Variants in UST observed in about 807,000 individuals in gnomAD.
UST encodes the protein uronyl 2-sulfotransferase.
In UST, 21 loss-of-function variants were observed where a neutral mutation model predicts 45.6. That is an observed-to-expected ratio of 0.46 (90% CI 0.33 to 0.66). The LOEUF is 0.66. Ranked by LOEUF, UST falls within the 30% of genes least tolerant of loss-of-function variation. The pLI is 0.02. For missense variants in UST, 463 were observed against 512.4 expected (o/e 0.90, Z 0.93); for synonymous variants, 215 against 200.6 (o/e 1.07, Z -0.61).
chr6:148,867,339 C>T lies in UST; in HGVS notation c.248-19647C>T, dbSNP rs1035677788. On this transcript the variant is annotated intron_variant, in intron 1 of 7. Coordinates refer to ENST00000367463, the MANE Select transcript of UST (RefSeq NM_005715.3). The stretch of plus-strand genomic sequence containing the variant: ...ACACACACACACACATATATATGTA[C>T]GTATGTATGTATTTTTGAAAGCCAT... 9.9e-4 allele frequency among the ~76,000 whole-genome samples: 146 copies of T among 147,980 alleles called. 1 individual carries two copies. Among genetic ancestry groups the T allele is most frequent in the African/African-American group, 3.5e-3 (141 of 40,034 alleles).
intron 1 of UST, among the ~76,000 whole-genome samples, chr6:148,771,789 A>C (rs1244652126): frequency 2.6e-5 from 4 of 152,196 alleles, no homozygotes; most frequent in Admixed American, 2.0e-4. Context: ...GAAATGAGAG[A>C]GTTTTTGCAG....
intron 1 of UST, among the ~76,000 whole-genome samples, chr6:148,864,140 G>A (rs918137787): frequency 5.3e-5 from 8 of 152,190 alleles, no homozygotes; most frequent in East Asian, 3.9e-4. Flanking sequence ...CTTGAGCTGC[G>A]GTGGGCTCCA....
At chr6:149,070,135 A>G (rs984292878) in intron 7 of UST, among the ~76,000 whole-genome samples, 2 of 152,328 alleles carry the variant, frequency 1.3e-5, no homozygotes, top group East Asian at 3.9e-4. Context: ...GTATCAGATA[A>G]CAAAACCCTA....
At chr6:149,005,759 G>A (rs1775674522) in intron 5 of UST, among the ~76,000 whole-genome samples, 1 of 152,156 alleles carries the variant, frequency 6.6e-6, no homozygotes, top group African/African-American at 2.4e-5. Context: ...ATTTCCACCA[G>A]ACACCTAGCT....
chr6:148,804,600 CA>C (rs1199553865), intron 1 of UST, among the ~76,000 whole-genome samples: 8 of 152,246 alleles, frequency 5.3e-5, no homozygotes, highest in East Asian at 3.9e-4. Context: ...AAGTGTGTTT[CA>C]GGGGGGAGAA....
intron 5 of UST, among the ~76,000 whole-genome samples, chr6:148,980,380 C>T (rs529461708): frequency 6.6e-6 from 1 of 152,288 alleles, no homozygotes; most frequent in South Asian, 2.1e-4. Flanking sequence ...CTCTCCCATA[C>T]CTCCTAACTG....
chr6:148,779,167 T>G (rs1776590508), intron 1 of UST, among the ~76,000 whole-genome samples: 1 of 152,040 alleles, frequency 6.6e-6, no homozygotes, highest in Non-Finnish European at 1.5e-5. Context: ...GGAAAATTCC[T>G]TATTATTTCA....
intron 1 of UST, among the ~76,000 whole-genome samples, chr6:148,871,531 A>C (rs1162664244): frequency 6.6e-6 from 1 of 152,148 alleles, no homozygotes; most frequent in Admixed American, 6.5e-5. Context: ...CTGGTCTCCT[A>C]TGAGTTTGAG....
intron 7 of UST, among the ~76,000 whole-genome samples, chr6:149,065,242 A>G (rs1489574032): frequency 1.3e-5 from 2 of 152,232 alleles, no homozygotes; most frequent in Admixed American, 1.3e-4. Context: ...TTGAAAAAAA[A>G]TCCTAACAAC....
At chr6:148,903,434 A>T (rs1236540968) in intron 2 of UST, among the ~76,000 whole-genome samples, 1 of 152,224 alleles carries the variant, frequency 6.6e-6, no homozygotes, top group Non-Finnish European at 1.5e-5. Context: ...TTAGTTTAAG[A>T]TACATATTCT....
intron 1 of UST, among the ~76,000 whole-genome samples, chr6:148,794,822 G>T (rs942494674): frequency 6.6e-6 from 1 of 152,212 alleles, no homozygotes; most frequent in Non-Finnish European, 1.5e-5. Flanking sequence ...AAGGGTGGAA[G>T]TTGGGGAACT....
chr6:148,756,000 T>G, intron 1 of UST, among the ~76,000 whole-genome samples: 1 of 106,600 alleles, frequency 9.4e-6, no homozygotes, highest in South Asian at 3.9e-4. Flanking sequence ...ATGCTATCCC[T>G]CCCCCCTCCC....
chr6:148,975,787 A>T (rs1781004394), intron 5 of UST, among the ~76,000 whole-genome samples: 1 of 152,200 alleles, frequency 6.6e-6, no homozygotes, highest in Non-Finnish European at 1.5e-5. Flanking sequence ...GATGGATTAA[A>T]AAGGTAAAAT....
At chr6:148,814,976 T>C (rs1000486433) in intron 1 of UST, among the ~76,000 whole-genome samples, 1 of 152,194 alleles carries the variant, frequency 6.6e-6, no homozygotes, top group Non-Finnish European at 1.5e-5. Context: ...ATGTGAATGA[T>C]AGGATATACG....
At chr6:149,000,738 AAG>A (rs1781532379) in intron 5 of UST, among the ~76,000 whole-genome samples, 1 of 152,242 alleles carries the variant, frequency 6.6e-6, no homozygotes, top group Non-Finnish European at 1.5e-5. Flanking sequence ...AGAAAATTGT[AAG>A]AGAGACATGA....
At chr6:148,780,086 TATAC>T (rs1332242188) in intron 1 of UST, among the ~76,000 whole-genome samples, 71 of 142,300 alleles carry the variant, frequency 5.0e-4, no homozygotes, top group South Asian at 9.0e-4. Flanking sequence ...TGTGTATATA[TATAC>T]ACACACACAC....
intron 1 of UST, among the ~76,000 whole-genome samples, chr6:148,857,071 G>C (rs2114794382): frequency 6.6e-6 from 1 of 151,628 alleles, no homozygotes; most frequent in East Asian, 1.9e-4. Flanking sequence ...AGGTGTAGTA[G>C]TATGTCATCT....
At chr6:148,765,692 T>C (rs1310128194) in intron 1 of UST, among the ~76,000 whole-genome samples, 1 of 152,232 alleles carries the variant, frequency 6.6e-6, no homozygotes, top group Non-Finnish European at 1.5e-5. Flanking sequence ...CATGAAATCT[T>C]CACAATTTAT....
At chr6:148,812,814 C>T (rs1777283992) in intron 1 of UST, among the ~76,000 whole-genome samples, 1 of 152,326 alleles carries the variant, frequency 6.6e-6, no homozygotes, top group East Asian at 1.9e-4. Flanking sequence ...AATCCTGATA[C>T]AGCATGGGAG....
Sources: allele counts gnomAD v4.1 joint callset (sites outside exome capture counted in the v4.1 genomes callset), GRCh38; gene constraint gnomAD v4.1.1; transcripts MANE v1.5; gene names NCBI Gene and HGNC (gene_info 2026-07-23, HGNC 2026-07-21).